The following OTOG variants were observed in gnomAD, a reference collection of about 807,000 sequenced individuals.
OTOG encodes otogelin.
Under a neutral mutation model 313.8 loss-of-function variants are expected in OTOG, and 296 were observed. The ratio of observed to expected loss-of-function variants is 0.94; its 90% CI spans 0.86 to 1.04. OTOG has a LOEUF of 1.04. OTOG is among the 50% of genes least tolerant of loss of function. The pLI, the probability that OTOG is intolerant of heterozygous loss-of-function variation, is 0.00. For synonymous variants in OTOG, 1,533 were observed against 1,554.9 expected, an observed-to-expected ratio of 0.99 and a Z score of 0.33; for missense variants, 3,948 against 3,840.1, an observed-to-expected ratio of 1.03 and a Z score of -0.74.
chr11:17,642,116 G>A lies in OTOG; in HGVS notation c.8296-11G>A. 6.5e-7 allele frequency: 1 copy of A among 1,537,552 alleles called. No homozygotes were observed. On this transcript the variant is annotated splice_polypyrimidine_tract_variant and intron_variant, in intron 52 of 55. Transcript: ENST00000399397. Reference sequence around the variant, plus strand: ...GCCACAGCTCCCATTACCTACTTCTGTGCCCTCCAGCCCGGGGCATCCTGG... The same window carrying A: ...GCCACAGCTCCCATTACCTACTTCTATGCCCTCCAGCCCGGGGCATCCTGG...
At chr11:17,586,094 G>A (rs1852787583) in intron 23 of OTOG, among the ~76,000 whole-genome samples, 1 of 152,154 alleles carries the variant, frequency 6.6e-6, no homozygotes, top group South Asian at 2.1e-4. Flanking sequence ...TGGGGCCTGT[G>A]GTCTGAGAGC....
intron 24 of OTOG, among the ~76,000 whole-genome samples, chr11:17,586,956 T>C (rs77257362): frequency 0.036 from 5,547 of 152,292 alleles, 117 homozygotes; most frequent in South Asian, 0.075. Flanking sequence ...TTCACAAATC[T>C]CAATATGTCA....
intron 23 of OTOG, among the ~76,000 whole-genome samples, chr11:17,579,199 G>A (rs538076659): frequency 6.6e-6 from 1 of 152,316 alleles, no homozygotes; most frequent in South Asian, 2.1e-4. Context: ...ACAGCCGGCT[G>A]TGCCCTTCAG....
chr11:17,601,685 G>T (rs1459160177), intron 31 of OTOG, among the ~76,000 whole-genome samples: 1 of 152,128 alleles, frequency 6.6e-6, no homozygotes, highest in Non-Finnish European at 1.5e-5. Flanking sequence ...ATCCTTACAA[G>T]GTGATTGTCC....
chr11:17,555,895 G>A lies in OTOG; in HGVS notation c.657G>A (p.Met219Ile). The A allele has an allele frequency of 6.5e-7, 1 of 1,549,522 alleles. No homozygotes were observed. Among genetic ancestry groups the A allele is most frequent in the East Asian group, 2.4e-5 (1 of 40,908 alleles). The change falls in exon 7 of 56, where the codon ATG becomes ATA. Residue 219 changes from methionine to isoleucine, a missense_variant and splice_region_variant. Transcript: ENST00000399397. The part of the protein sequence containing the change: ...HLAKEVTHGG[M>I]RVQLPHVMGS... ...CCAAGGAGGTCACCCATGGAGGCAT[G>A]AGGTAACTCTAACACCTTCCACATC... is the stretch of plus-strand genomic sequence containing the variant.
chr11:17,547,313 C>G lies in OTOG; in HGVS notation c.-60C>G, dbSNP rs978377844. 1 of 1,281,992 alleles carries G rather than the reference C, an allele frequency of 7.8e-7. No homozygotes were observed. Among genetic ancestry groups the G allele is most frequent in the Non-Finnish European group, 9.9e-7 (1 of 1,011,016 alleles). 79.4% of individuals were successfully genotyped at this position (1,281,992 alleles called of 1,614,324 possible). ...GTGGAGGTGTGACCCTGCCTTAGCC[C>G]GGGGAGGCACCTCGGGAGGCTGGCC... On this transcript the variant is annotated 5_prime_UTR_variant, in exon 1 of 56. Transcript: ENST00000399397.
chr11:17,586,512 A>AGT lies in OTOG; in HGVS notation c.2800_2801dup (p.Pro935AlafsTer16). The AGT allele has an allele frequency of 6.9e-7, 1 of 1,451,248 alleles. No homozygotes were observed. Among genetic ancestry groups the AGT allele is most frequent in the Non-Finnish European group, 9.1e-7 (1 of 1,096,958 alleles). The allele number at this position is 1,451,248 out of a possible 1,614,324, so 89.9% of individuals were successfully genotyped here. A position where few individuals can be genotyped will look rare whatever the true frequency, so the allele number is the denominator to read the frequency against. ...GGGGATGCATGTTTCCTGCCAGAGG[A>AGT]GTGCCCCTGCACTTGGAAGGGGAAG... On this transcript the variant is annotated frameshift_variant, in exon 24 of 56. Coordinates refer to ENST00000399397, the MANE Select transcript of OTOG (RefSeq NM_001292063.2). LOFTEE classifies it high-confidence loss of function.
rs570402498 is a variant in OTOG, at chr11:17,573,242, C to G, written c.2245C>G (p.Arg749Gly). The change falls in exon 19 of 56, where the codon CGG becomes GGG. Residue 749 changes from arginine to glycine, a missense_variant. Physicochemically the swap from Arg to Gly is moderately radical, Grantham distance 125. Coordinates refer to ENST00000399397, the MANE Select transcript of OTOG (RefSeq NM_001292063.2). ...ATLAHYAHLC[R>G]RHGLPVDFRA... ...ACTGGCCCACTACGCCCACCTGTGC[C>G]GGCGCCATGGGCTCCCCGTTGATTT... The G allele has an allele frequency of 5.2e-6, 8 of 1,533,710 alleles. No homozygotes were observed. The highest frequency in any genetic ancestry group is 6.1e-6 in the Non-Finnish European group (7 of 1,144,686).
rs910748853 is a variant in OTOG, at chr11:17,574,315, A to T, written c.2294-405A>T. Among the ~76,000 whole-genome samples, 218 of 150,920 alleles carry T rather than the reference A, an allele frequency of 1.4e-3. 1 individual carries two copies. Among genetic ancestry groups the T allele is most frequent in the African/African-American group, 5.2e-3 (214 of 41,120 alleles). On this transcript the variant is annotated intron_variant, in intron 19 of 55. Transcript: ENST00000399397. ...ACAGCCAGGGGAGTGAGGGGGTAGGAGTGTGTGTGTGTGTGTGTCCACACA... is the reference window on the plus strand; with the variant it reads ...ACAGCCAGGGGAGTGAGGGGGTAGGTGTGTGTGTGTGTGTGTGTCCACACA...
chr11:17,646,026 T>A lies in OTOG; in HGVS notation c.*82T>A. ...GCTGGCCCAATGTGAATGGGGGTAT[T>A]AAAGGTGGTAGAAATCTGGCACGTG... On this transcript the variant is annotated 3_prime_UTR_variant, in exon 56 of 56. Coordinates refer to ENST00000399397, the MANE Select transcript of OTOG (RefSeq NM_001292063.2). 1 of 1,367,590 alleles carries A rather than the reference T, an allele frequency of 7.3e-7. No homozygotes were observed. Among genetic ancestry groups the A allele is most frequent in the Non-Finnish European group, 1.0e-6 (1 of 997,046 alleles). 84.7% of individuals were successfully genotyped at this position (1,367,590 alleles called of 1,614,324 possible). A position where few individuals can be genotyped will look rare whatever the true frequency, so the allele number is the denominator to read the frequency against.
chr11:17,558,274 C>T lies in OTOG; in HGVS notation c.955C>T (p.Pro319Ser), dbSNP rs1416894146. The T allele has an allele frequency of 6.4e-7, 1 of 1,550,816 alleles. No homozygotes were observed. The highest frequency in any genetic ancestry group is 1.2e-5 in the South Asian group (1 of 84,062). The change falls in exon 9 of 56, where the codon CCT becomes TCT. Residue 319 changes from proline (P) to serine (S), a missense_variant. Transcript: ENST00000399397. The part of the protein sequence containing the change: ...QPPGPTTSSL[P>S]RPPCLQQNPG... ...TCCAGGGCCCACAACTTCCTCCCTG[C>T]CTCGCCCACCGTGCCTACAGCAGAA...
chr11:17,622,186 T>C (rs1853880678), intron 39 of OTOG, among the ~76,000 whole-genome samples: 1 of 152,182 alleles, frequency 6.6e-6, no homozygotes, highest in Non-Finnish European at 1.5e-5. Flanking sequence ...TAATAGTTCA[T>C]GTGCTGCATA....
chr11:17,625,717 ATGGTT>A (rs1213368444), intron 39 of OTOG, among the ~76,000 whole-genome samples: 1 of 152,106 alleles, frequency 6.6e-6, no homozygotes, highest in Non-Finnish European at 1.5e-5. Context: ...CATCAGATGT[ATGGTT>A]TGCAAATATT....
intron 36 of OTOG, among the ~76,000 whole-genome samples, chr11:17,611,859 T>A (rs1853559283): frequency 6.6e-6 from 1 of 152,140 alleles, no homozygotes; most frequent in South Asian, 2.1e-4. Context: ...CTTGTGCAAG[T>A]ATGCTAGGGT....
At chr11:17,600,161 T>C (rs16934481) in intron 31 of OTOG, among the ~76,000 whole-genome samples, 14,393 of 152,250 alleles carry the variant, frequency 0.095, 1,282 homozygotes, top group African/African-American at 0.23. Context: ...CAGCCAAGGT[T>C]GCAGGGTTCC....
chr11:17,558,488 G>A (rs1473131986), intron 9 of OTOG, 50 bp from the exon 10 acceptor site: 3 of 1,544,130 alleles, frequency 1.9e-6, no homozygotes, highest in Non-Finnish European at 2.6e-6. Flanking sequence ...GTGTGGGGCT[G>A]TGTGTGGCTT....
At chr11:17,577,003 C>T (rs1852545148) in intron 22 of OTOG, 92 bp downstream of exon 22, 1 of 1,335,096 alleles carries the variant, frequency 7.5e-7, no homozygotes, top group Non-Finnish European at 1.0e-6. Context: ...GTGGCAAGCC[C>T]ACTCCAGGTT....
chr11:17,596,417 C>T (rs1853110179), intron 29 of OTOG, among the ~76,000 whole-genome samples: 1 of 152,246 alleles, frequency 6.6e-6, no homozygotes, highest in Non-Finnish European at 1.5e-5. Flanking sequence ...TCATGAAGTT[C>T]TTCTAAATGG....
chr11:17,597,098 C>G, intron 30 of OTOG, 91 bp downstream of exon 30: 1 of 1,449,114 alleles, frequency 6.9e-7, no homozygotes, highest in Non-Finnish European at 9.2e-7. Flanking sequence ...CTAGCATTTA[C>G]TGAGTACTTA....
Sources: allele counts gnomAD v4.1 joint callset (sites outside exome capture counted in the v4.1 genomes callset), GRCh38; gene constraint gnomAD v4.1.1; transcripts MANE v1.5; gene names NCBI Gene and HGNC (gene_info 2026-07-23, HGNC 2026-07-21).